RARB: variants seen among roughly 807,000 people sequenced by gnomAD.
RARB encodes retinoic acid receptor beta, also known as HBV-activated protein.
In RARB, 17 loss-of-function variants were observed where a neutral mutation model predicts 51.9. The observed-to-expected ratio is 0.33, with a 90% CI of 0.22 to 0.49. The LOEUF (loss-of-function observed/expected upper bound fraction) is 0.49. RARB is among the 20% of genes least tolerant of loss of function. The pLI is 0.99. For synonymous variants in RARB, 215 were observed against 195.4 expected (o/e 1.10, Z -0.84); for missense variants, 369 against 550.8 (o/e 0.67, Z 3.30).
chr3:25,449,985 C>G (rs546882675), intron 1 of RARB, among the ~76,000 whole-genome samples: 4 of 151,960 alleles, frequency 2.6e-5, no homozygotes, highest in Non-Finnish European at 2.9e-5. Flanking sequence ...CTTCTGTCCT[C>G]AAGTGATCCA....
At chr3:25,368,040 A>C (rs1316308830) in intron 5 of RARB, among the ~76,000 whole-genome samples, 1 of 152,160 alleles carries the variant, frequency 6.6e-6, no homozygotes, top group African/African-American at 2.4e-5. Context: ...TACAAACAAA[A>C]ATTTCAAGCT....
chr3:25,342,958 A>AG (rs1705275046), intron 5 of RARB, among the ~76,000 whole-genome samples: 1 of 150,596 alleles, frequency 6.6e-6, no homozygotes, highest in Non-Finnish European at 1.5e-5. Context: ...ATGGTTTAAG[A>AG]GGGGGGAGGG....
intron 3 of RARB, among the ~76,000 whole-genome samples, chr3:25,104,720 A>C (rs983106918): frequency 5.9e-5 from 9 of 152,222 alleles, no homozygotes; most frequent in African/African-American, 2.2e-4. Context: ...AGGCCCATCA[A>C]TGTTAGACAT....
intron 5 of RARB, among the ~76,000 whole-genome samples, chr3:25,268,488 C>T (rs922264035): frequency 1.3e-5 from 2 of 151,906 alleles, no homozygotes; most frequent in South Asian, 2.1e-4. Flanking sequence ...TGGTGTATTT[C>T]GACCCTGGTC....
chr3:25,187,672 C>G (rs1439844024), intron 5 of RARB, among the ~76,000 whole-genome samples: 1 of 151,814 alleles, frequency 6.6e-6, no homozygotes, highest in African/African-American at 2.4e-5. Context: ...TTTGTTGTGA[C>G]GAGGCACAGA....
intron 5 of RARB, among the ~76,000 whole-genome samples, chr3:25,418,306 C>T (rs745339855): frequency 1.7e-4 from 26 of 151,934 alleles, no homozygotes; most frequent in South Asian, 6.2e-4. Flanking sequence ...CTATTTCTAT[C>T]GAATGTGTGA....
At chr3:25,370,950 ACT>A (rs747912535) in intron 5 of RARB, among the ~76,000 whole-genome samples, 15 of 151,732 alleles carry the variant, frequency 9.9e-5, no homozygotes, top group South Asian at 4.2e-4. Context: ...TGATAACTCC[ACT>A]CTCTATCTCT....
intron 5 of RARB, among the ~76,000 whole-genome samples, chr3:25,218,848 C>A (rs554094484): frequency 2.6e-5 from 4 of 152,282 alleles, no homozygotes; most frequent in African/African-American, 9.6e-5. Context: ...TAACACTCGA[C>A]TTTGCTTACT....
chr3:25,357,406 T>C (rs561524109), intron 5 of RARB, among the ~76,000 whole-genome samples: 1 of 152,352 alleles, frequency 6.6e-6, no homozygotes, highest in South Asian at 2.1e-4. Context: ...AGATTCTGGA[T>C]ATTAGCCCTT....
At chr3:24,844,709 G>A (rs867222161) in intron 1 of RARB, among the ~76,000 whole-genome samples, 1 of 152,068 alleles carries the variant, frequency 6.6e-6, no homozygotes, top group African/African-American at 2.4e-5. Flanking sequence ...ATATCTAAAT[G>A]GAATTTTATC....
chr3:24,878,317 T>G (rs1196661343), intron 2 of RARB, among the ~76,000 whole-genome samples: 2 of 152,080 alleles, frequency 1.3e-5, no homozygotes, highest in Non-Finnish European at 2.9e-5. Flanking sequence ...TTGGATTTTG[T>G]TTTTGAAGTT....
chr3:25,007,232 A>G (rs1697291325), intron 2 of RARB, among the ~76,000 whole-genome samples: 1 of 152,154 alleles, frequency 6.6e-6, no homozygotes, highest in Non-Finnish European at 1.5e-5. Context: ...AAATTGCAAC[A>G]TTTGCCCTTT....
At chr3:25,024,102 C>T (rs1331449133) in intron 2 of RARB, among the ~76,000 whole-genome samples, 2 of 152,190 alleles carry the variant, frequency 1.3e-5, no homozygotes, top group Non-Finnish European at 2.9e-5. Context: ...ATAACATGCT[C>T]TCCAATGAGC....
chr3:25,419,052 T>G (rs1707785979), intron 5 of RARB, among the ~76,000 whole-genome samples: 1 of 151,792 alleles, frequency 6.6e-6, no homozygotes, highest in African/African-American at 2.4e-5. Context: ...GTATTTTTTT[T>G]GCTAAGTTTA....
At chr3:25,332,145 A>T (rs1704917554) in intron 5 of RARB, among the ~76,000 whole-genome samples, 1 of 152,196 alleles carries the variant, frequency 6.6e-6, no homozygotes, top group Non-Finnish European at 1.5e-5. Flanking sequence ...AATCAATAGA[A>T]AAAGAGGGAA....
intron 5 of RARB, among the ~76,000 whole-genome samples, chr3:25,415,565 T>C (rs1227190579): frequency 6.6e-6 from 1 of 152,232 alleles, no homozygotes; most frequent in Non-Finnish European, 1.5e-5. Context: ...ACTACCTTTT[T>C]CCTGGTCTTA....
chr3:24,870,861 C>T lies in RARB; in HGVS notation c.-380+12109C>T, dbSNP rs963388210. 4.4e-4 allele frequency among the ~76,000 whole-genome samples: 67 copies of T among 152,156 alleles called. 1 individual carries two copies. Among genetic ancestry groups the T allele is most frequent in the Admixed American group, 5.2e-4 (8 of 15,278 alleles). ...TAATTGGGAGATCCATCACCTCAAG[C>T]GTTTGTCAACTCTTTGGGTAAAGAA... On this transcript the variant is annotated intron_variant, in intron 2 of 11. Transcript: ENST00000383772.
intron 5 of RARB, among the ~76,000 whole-genome samples, chr3:25,408,365 A>C (rs1490821410): frequency 6.6e-6 from 1 of 152,094 alleles, no homozygotes; most frequent in Non-Finnish European, 1.5e-5. Flanking sequence ...GAAGTAGGGC[A>C]CATCTTCCTA....
chr3:25,066,614 C>G (rs1302904990), intron 3 of RARB, among the ~76,000 whole-genome samples: 1 of 150,140 alleles, frequency 6.7e-6, no homozygotes, highest in African/African-American at 2.5e-5. Flanking sequence ...AACACACACA[C>G]ACACACACAC....
Sources: allele counts gnomAD v4.1 joint callset (sites outside exome capture counted in the v4.1 genomes callset), GRCh38; gene constraint gnomAD v4.1.1; transcripts MANE v1.5; gene names NCBI Gene and HGNC (gene_info 2026-07-23, HGNC 2026-07-21).